The following CMTM4 variants were observed in gnomAD, a reference collection of about 807,000 sequenced individuals.
CMTM4 encodes the protein CKLF-like MARVEL transmembrane domain-containing protein 4.
In CMTM4, 8 loss-of-function variants were observed where a neutral mutation model predicts 19.0. The ratio of observed to expected loss-of-function variants is 0.42; its 90% CI spans 0.25 to 0.76. CMTM4 has a LOEUF of 0.76. CMTM4 is among the 30% of genes least tolerant of loss of function. The pLI, the probability that CMTM4 is intolerant of heterozygous loss-of-function variation, is 0.27. For synonymous variants in CMTM4, 106 were observed against 121.1 expected, an observed-to-expected ratio of 0.88 and a Z score of 0.82; for missense variants, 228 against 290.2, an observed-to-expected ratio of 0.79 and a Z score of 1.56.
At chr16:66,673,364 T>C (rs2016748803) in intron 1 of CMTM4, among the ~76,000 whole-genome samples, 1 of 151,476 alleles carries the variant, frequency 6.6e-6, no homozygotes, top group Admixed American at 6.6e-5. Context: ...CACACCACCA[T>C]GCTCAGCTAA....
At chr16:66,649,374 C>A (rs2144836580) in intron 1 of CMTM4, among the ~76,000 whole-genome samples, 1 of 152,226 alleles carries the variant, frequency 6.6e-6, no homozygotes, top group East Asian at 1.9e-4. Flanking sequence ...GATCCTAACT[C>A]TAGGGATGCA....
At chr16:66,687,445 C>T (rs1222679110) in intron 1 of CMTM4, among the ~76,000 whole-genome samples, 2 of 152,020 alleles carry the variant, frequency 1.3e-5, no homozygotes, top group Non-Finnish European at 2.9e-5. Context: ...GCAAGAGGAT[C>T]GCTTGAGCCC....
chr16:66,612,455 CCT>C (rs1310149912), downstream of CMTM4, among the ~76,000 whole-genome samples: 2 of 152,142 alleles, frequency 1.3e-5, no homozygotes, highest in Non-Finnish European at 2.9e-5. This position sits in a 1 kb window ranked among gnomAD's most constrained non-coding sequence, Gnocchi z 6.0. Context: ...CGCGGCCTGC[CCT>C]GATGCCAGCG....
intron 1 of CMTM4, among the ~76,000 whole-genome samples, chr16:66,658,004 T>G (rs1327687695): frequency 6.6e-6 from 1 of 152,166 alleles, no homozygotes; most frequent in Non-Finnish European, 1.5e-5. Context: ...AAGGACCACT[T>G]GAGGCCTGGA....
rs2144772704 is a variant in CMTM4 at position 66,618,229 on chromosome 16, G to A, written c.*3829C>T. The stretch of plus-strand genomic sequence containing the variant: ...TTCTGCTCAAGAGAATCCACCAGCA[G>A]CTCTTGGCCTAGAAACTTTTTCCCC... On this transcript the variant is annotated 3_prime_UTR_variant, in exon 4 of 4. Transcript: ENST00000394106. 3 of 985,490 alleles carry A rather than the reference G, an allele frequency of 3.0e-6. No individual in the cohort carries two copies. In the South Asian group the frequency reaches 1.4e-4, roughly 46 times the overall value. The allele number at this position is 985,490 out of a possible 1,614,324, so 61.0% of individuals were successfully genotyped here.
chr16:66,669,077 A>G (rs1343872746), intron 1 of CMTM4, among the ~76,000 whole-genome samples: 1 of 152,234 alleles, frequency 6.6e-6, no homozygotes, highest in African/African-American at 2.4e-5. Context: ...AAAGTTGCAA[A>G]TAACTCAAAT....
At chr16:66,627,239 G>A (rs574166611) in intron 2 of CMTM4, among the ~76,000 whole-genome samples, 23 of 152,204 alleles carry the variant, frequency 1.5e-4, no homozygotes, top group Admixed American at 4.6e-4. Flanking sequence ...AAATAATCAC[G>A]TAGTTATATA....
chr16:66,630,464 G>C (rs187805539), intron 2 of CMTM4, among the ~76,000 whole-genome samples: 2 of 151,480 alleles, frequency 1.3e-5, no homozygotes, highest in African/African-American at 4.9e-5. Context: ...TCAGCCTGCC[G>C]AGTGCCTGGG....
intron 1 of CMTM4, among the ~76,000 whole-genome samples, chr16:66,671,129 A>T (rs1303924975): frequency 6.6e-6 from 1 of 152,228 alleles, no homozygotes; most frequent in Non-Finnish European, 1.5e-5. Flanking sequence ...AAATTTATGT[A>T]TGACTTGACT....
At chr16:66,602,467 C>T in the CMTM4 span, among the ~76,000 whole-genome samples, 1 of 152,142 alleles carries the variant, frequency 6.6e-6, no homozygotes, top group Admixed American at 6.5e-5. Flanking sequence ...TTTTATTCAC[C>T]CTATACCCAA....
At chr16:66,659,918 A>T (rs1025290080) in intron 1 of CMTM4, among the ~76,000 whole-genome samples, 6 of 152,188 alleles carry the variant, frequency 3.9e-5, no homozygotes, top group Non-Finnish European at 5.9e-5. Flanking sequence ...TAAATTTTTT[A>T]AAAATGTTGA....
chr16:66,621,893 C>T lies in CMTM4; in HGVS notation c.*165G>A, dbSNP rs781116142. 28 of 1,430,134 alleles carry T rather than the reference C, an allele frequency of 2.0e-5. No individual in the cohort carries two copies. Among genetic ancestry groups the T allele is most frequent in the Non-Finnish European group, 2.2e-5 (24 of 1,094,928 alleles). The allele number at this position is 1,430,134 out of a possible 1,614,324, so 88.6% of individuals were successfully genotyped here. ...GAACGTGGGCCTCCCAACTCCACCG[C>T]GGACCCGCCCACTGGGCCACTCGGG... On this transcript the variant is annotated 3_prime_UTR_variant, in exon 4 of 4. Transcript: ENST00000394106.
At chr16:66,692,036 T>A (rs2017144967) in intron 1 of CMTM4, among the ~76,000 whole-genome samples, 2 of 152,150 alleles carry the variant, frequency 1.3e-5, no homozygotes, top group Non-Finnish European at 2.9e-5. Flanking sequence ...CCGAAAAATC[T>A]CAGCTTTAAG....
downstream of CMTM4, chr16:66,612,665 A>C: frequency 3.1e-6 from 5 of 1,612,388 alleles, no homozygotes; most frequent in Non-Finnish European, 4.2e-6. This position sits in a 1 kb window ranked among gnomAD's most constrained non-coding sequence, Gnocchi z 6.0. Context: ...TGGCAACCTG[A>C]GCCACACAGG....
chr16:66,625,044 C>T (rs553424399), intron 2 of CMTM4, among the ~76,000 whole-genome samples: 4 of 152,110 alleles, frequency 2.6e-5, no homozygotes, highest in South Asian at 2.1e-4. Context: ...TATTCAGAAA[C>T]GAGGGGAAAA....
At chr16:66,639,994 G>C (rs1210349704) in intron 1 of CMTM4, among the ~76,000 whole-genome samples, 2 of 152,032 alleles carry the variant, frequency 1.3e-5, no homozygotes, top group Non-Finnish European at 2.9e-5. Flanking sequence ...CTCCTGCTTG[G>C]GTGACAGAGT....
intron 1 of CMTM4, among the ~76,000 whole-genome samples, chr16:66,652,120 C>T (rs1248389972): frequency 6.6e-6 from 1 of 152,150 alleles, no homozygotes; most frequent in Non-Finnish European, 1.5e-5. Context: ...ATTAGTTGAG[C>T]AAAGGAGCCA....
At chr16:66,681,324 T>G (rs1401704740) in intron 1 of CMTM4, among the ~76,000 whole-genome samples, 1 of 152,146 alleles carries the variant, frequency 6.6e-6, no homozygotes, top group Non-Finnish European at 1.5e-5. Flanking sequence ...ATCTTTTTTT[T>G]TTTCTTTTTT....
intron 1 of CMTM4, among the ~76,000 whole-genome samples, chr16:66,688,891 CTTTT>C (rs2017085546): frequency 6.6e-6 from 1 of 152,094 alleles, no homozygotes; most frequent in Non-Finnish European, 1.5e-5. Context: ...GAATTTCATT[CTTTT>C]GAGTGCTGTT....
Sources: gnomAD v4.1 joint callset for allele counts (sites outside exome capture counted in the v4.1 genomes callset) on GRCh38, gnomAD v4.1.1 for gene constraint, Gnocchi (gnomAD v3.1) non-coding constraint, MANE v1.5 for transcripts, NCBI Gene and HGNC (gene_info 2026-07-23, HGNC 2026-07-21) for gene names.